FRMD3: variants seen among roughly 807,000 people sequenced by gnomAD.
FRMD3 encodes the protein FERM domain containing 3, also known as FERM domain-containing protein 3.
FRMD3 carries 33 observed loss-of-function variants against 70.2 expected under a neutral mutation model. The observed-to-expected ratio is 0.47, with a 90% CI of 0.36 to 0.63. The LOEUF (loss-of-function observed/expected upper bound fraction) is 0.63, where lower values mean the gene tolerates loss of function less well. Ranked by LOEUF, FRMD3 falls within the 20% of genes least tolerant of loss-of-function variation. The pLI, the probability that FRMD3 is intolerant of heterozygous loss-of-function variation, is 0.00. For missense variants in FRMD3, 632 were observed against 711.4 expected (o/e 0.89, Z 1.27); for synonymous variants, 279 against 255.9 (o/e 1.09, Z -0.86).
At chr9:83,297,555 T>A (rs1351084782) in intron 12 of FRMD3, 1 of 327,066 alleles carries the variant, frequency 3.1e-6, no homozygotes, top group Non-Finnish European at 6.1e-6. Flanking sequence ...GAATGATATG[T>A]TTTATCATTT....
chr9:83,534,129 T>C (rs1480955160), intron 1 of FRMD3, among the ~76,000 whole-genome samples: 2 of 152,182 alleles, frequency 1.3e-5, no homozygotes, highest in Non-Finnish European at 2.9e-5. Flanking sequence ...AAAAGCCCAA[T>C]AAGGAGCATT....
At chr9:83,304,268 T>C (rs1478233708) in intron 10 of FRMD3, among the ~76,000 whole-genome samples, 5 of 152,162 alleles carry the variant, frequency 3.3e-5, no homozygotes, top group Non-Finnish European at 7.3e-5. Flanking sequence ...CAGGGACCCA[T>C]AGCACTGGTA....
the FRMD3 span, among the ~76,000 whole-genome samples, chr9:83,547,327 T>C: frequency 6.7e-6 from 1 of 148,578 alleles, no homozygotes; most frequent in African/African-American, 2.4e-5. Flanking sequence ...TTATATAATA[T>C]TATATATAAT....
At chr9:83,538,912 G>A (rs1197096476), upstream of FRMD3, among the ~76,000 whole-genome samples, 3 of 152,180 alleles carry the variant, frequency 2.0e-5, no homozygotes, top group Non-Finnish European at 4.4e-5. This position sits in a 1 kb window ranked among gnomAD's most constrained non-coding sequence, Gnocchi z 4.7. Context: ...TGACAGCCCT[G>A]ACACGGCTAC....
At chr9:83,532,920 G>A (rs1829818713) in intron 1 of FRMD3, among the ~76,000 whole-genome samples, 1 of 152,162 alleles carries the variant, frequency 6.6e-6, no homozygotes, top group African/African-American at 2.4e-5. Context: ...TCATAATCAT[G>A]GAGACTATAG....
the FRMD3 span, among the ~76,000 whole-genome samples, chr9:83,582,684 G>C: frequency 6.6e-6 from 1 of 152,090 alleles, no homozygotes; most frequent in Admixed American, 6.5e-5. Flanking sequence ...TTGGTAATAA[G>C]TTTAATGCAA....
At chr9:83,407,859 C>CTCTCTCATCTT (rs1554700528) in intron 1 of FRMD3, among the ~76,000 whole-genome samples, 1 of 123,664 alleles carries the variant, frequency 8.1e-6, no homozygotes, top group African/African-American at 4.1e-5. Context: ...CTCTCTCTCT[C>CTCTCTCATCTT]TCTCTCTCTC....
intron 12 of FRMD3, among the ~76,000 whole-genome samples, chr9:83,292,695 T>G (rs1834485787): frequency 6.6e-6 from 1 of 152,176 alleles, no homozygotes; most frequent in Non-Finnish European, 1.5e-5. Flanking sequence ...TCGCCTAGGC[T>G]GGAGTGCAGT....
At chr9:83,442,309 G>A (rs1827324128) in intron 1 of FRMD3, among the ~76,000 whole-genome samples, 1 of 147,162 alleles carries the variant, frequency 6.8e-6, no homozygotes, top group African/African-American at 2.5e-5. Flanking sequence ...CCAGGCTGGA[G>A]TGCAGTGGTG....
At chr9:83,308,502 G>A (rs1835226465) in intron 10 of FRMD3, among the ~76,000 whole-genome samples, 1 of 152,112 alleles carries the variant, frequency 6.6e-6, no homozygotes, top group Admixed American at 6.5e-5. Context: ...ACTGTAAGGG[G>A]CAGGGGGACT....
intron 1 of FRMD3, among the ~76,000 whole-genome samples, chr9:83,434,613 T>C (rs1267609224): frequency 1.3e-5 from 2 of 152,106 alleles, no homozygotes; most frequent in Non-Finnish European, 2.9e-5. Context: ...GCAAACTAGC[T>C]CAAACCAAAG....
the FRMD3 span, among the ~76,000 whole-genome samples, chr9:83,585,428 C>T: frequency 1.3e-5 from 2 of 152,282 alleles, no homozygotes; most frequent in African/African-American, 4.8e-5. Flanking sequence ...CACAGAATCC[C>T]GCTTTTTACC....
At chr9:83,417,131 T>C (rs964604209) in intron 1 of FRMD3, among the ~76,000 whole-genome samples, 5 of 152,240 alleles carry the variant, frequency 3.3e-5, no homozygotes, top group Admixed American at 6.5e-5. Context: ...TTATAATTTT[T>C]TGAGTTGAAA....
intron 1 of FRMD3, among the ~76,000 whole-genome samples, chr9:83,500,498 GCGCGCACA>G (rs1434105845): frequency 3.2e-5 from 2 of 62,938 alleles, no homozygotes; most frequent in Admixed American, 1.5e-4. Flanking sequence ...TGGCGTGTAT[GCGCGCACA>G]CACACACACA....
intron 1 of FRMD3, among the ~76,000 whole-genome samples, chr9:83,412,496 T>C (rs1826307817): frequency 6.6e-6 from 1 of 152,250 alleles, no homozygotes. Context: ...CTTCCACTAG[T>C]AATGCATCAA....
upstream of FRMD3, among the ~76,000 whole-genome samples, chr9:83,543,059 C>A (rs1830016748): frequency 6.6e-6 from 1 of 151,960 alleles, no homozygotes; most frequent in Non-Finnish European, 1.5e-5. Flanking sequence ...AACATCAACA[C>A]ATCAAAAGCA....
intron 13 of FRMD3, among the ~76,000 whole-genome samples, chr9:83,287,997 T>G (rs941793021): frequency 6.6e-6 from 1 of 152,202 alleles, no homozygotes; most frequent in African/African-American, 2.4e-5. Flanking sequence ...AATTGTTGCA[T>G]TAAGGAATGA....
intron 1 of FRMD3, among the ~76,000 whole-genome samples, chr9:83,488,209 TG>T (rs1828730136): frequency 6.6e-6 from 1 of 152,240 alleles, no homozygotes; most frequent in African/African-American, 2.4e-5. Flanking sequence ...ACTAAATAGT[TG>T]TCATGGAGGA....
intron 13 of FRMD3, among the ~76,000 whole-genome samples, chr9:83,285,128 C>T (rs1013770039): frequency 1.3e-5 from 2 of 152,332 alleles, no homozygotes; most frequent in African/African-American, 4.8e-5. Context: ...CTTAAGCCAT[C>T]TATGGTTAGG....
Sources: gnomAD v4.1 joint callset for allele counts (sites outside exome capture counted in the v4.1 genomes callset) on GRCh38, gnomAD v4.1.1 for gene constraint, Gnocchi (gnomAD v3.1) non-coding constraint, MANE v1.5 for transcripts, NCBI Gene and HGNC (gene_info 2026-07-23, HGNC 2026-07-21) for gene names.